Variants in TGFBR3 observed in about 807,000 individuals in gnomAD.
TGFBR3 encodes the protein transforming growth factor beta receptor 3, also known as transforming growth factor beta receptor type 3.
In TGFBR3, 46 loss-of-function variants were observed where a neutral mutation model predicts 87.9. The observed-to-expected ratio is 0.52, with a 90% CI of 0.41 to 0.67. The LOEUF is 0.67. Among genes scored for constraint, TGFBR3 ranks in the 30% least tolerant of loss-of-function variants. The probability of loss-of-function intolerance (pLI) is 0.00; values close to 1 mark genes in which losing one functional copy is unlikely to be tolerated. For missense variants in TGFBR3, 866 were observed against 1,041.9 expected (o/e 0.83, Z 2.32); for synonymous variants, 381 against 391.6 (o/e 0.97, Z 0.32).
intron 2 of TGFBR3, among the ~76,000 whole-genome samples, chr1:91,846,447 T>G (rs558362559): frequency 6.6e-6 from 1 of 152,226 alleles, no homozygotes; most frequent in East Asian, 1.9e-4. Flanking sequence ...AGTAAAGTTG[T>G]CCTTACAGAT....
rs141866290 is a variant in TGFBR3, at chr1:91,902,268, C to CTTTT, written c.-174-2575_-174-2572dup. Among the ~76,000 whole-genome samples, 239 of 125,294 alleles carry CTTTT rather than the reference C, an allele frequency of 1.9e-3. 1 individual carries two copies. Among genetic ancestry groups the CTTTT allele is most frequent in the Middle Eastern group, 4.2e-3 (1 of 236 alleles). The allele number at this position is 125,294 out of a possible 152,430, so 82.2% of individuals were successfully genotyped here. A position where few individuals can be genotyped will look rare whatever the true frequency, so the allele number is the denominator to read the frequency against. Reference sequence around the variant, plus strand: ...GAAGACGTGCAGTTTCTTTCCTTTTCTTTTGTGTGTGTGTGTGTGTGTGTG... The same window carrying CTTTT: ...GAAGACGTGCAGTTTCTTTCCTTTTCTTTTTTTTGTGTGTGTGTGTGTGTGTGTG... On this transcript the variant is annotated intron_variant, in intron 1 of 17. Coordinates refer to the TGFBR3 transcript ENST00000370399.
chr1:91,830,313 A>G (rs184642978), intron 2 of TGFBR3, among the ~76,000 whole-genome samples: 5 of 152,282 alleles, frequency 3.3e-5, no homozygotes, highest in Admixed American at 1.3e-4. Context: ...CTCGTCCCCA[A>G]GGGCAGAATA....
chr1:91,791,871 C>G (rs899282258), intron 3 of TGFBR3, among the ~76,000 whole-genome samples: 11 of 152,214 alleles, frequency 7.2e-5, no homozygotes, highest in Non-Finnish European at 1.6e-4. Flanking sequence ...GGCTGGCCCA[C>G]AGGAGACACG....
At chr1:91,840,739 G>A (rs894017409) in intron 2 of TGFBR3, among the ~76,000 whole-genome samples, 1 of 151,988 alleles carries the variant, frequency 6.6e-6, no homozygotes, top group Non-Finnish European at 1.5e-5. Context: ...TTTAACTTGT[G>A]TGAAAAACGA....
chr1:91,712,562 T>C lies in TGFBR3; in HGVS notation c.1867-20A>G, dbSNP rs115049669. Reference sequence around the variant, plus strand: ...AGATACCTATGAAAGAACAGAAAGATGAATTAGGAAATGAGTTAGCATCTC... The same window carrying C: ...AGATACCTATGAAAGAACAGAAAGACGAATTAGGAAATGAGTTAGCATCTC... On this transcript the variant is annotated intron_variant, in intron 12 of 16. Coordinates refer to ENST00000212355, the MANE Select transcript of TGFBR3 (RefSeq NM_003243.5). 7.0e-4 allele frequency: 1,128 copies of C among 1,613,402 alleles called. 6 individuals are homozygous for C. The African/African-American group carries it at 0.013, about 18-fold the overall frequency.
intron 10 of TGFBR3, among the ~76,000 whole-genome samples, chr1:91,718,226 T>C (rs1251880402): frequency 6.6e-6 from 1 of 152,182 alleles, no homozygotes; most frequent in Non-Finnish European, 1.5e-5. Context: ...TGGAGTTCAG[T>C]TTCCTCACCT....
chr1:91,863,566 T>C (rs1678276312), intron 1 of TGFBR3, among the ~76,000 whole-genome samples: 1 of 152,244 alleles, frequency 6.6e-6, no homozygotes, highest in Admixed American at 6.5e-5. Flanking sequence ...GTCCATTCTC[T>C]TTGAGCTATT....
At chr1:91,749,708 C>A (rs1673469457) in intron 4 of TGFBR3, among the ~76,000 whole-genome samples, 1 of 152,164 alleles carries the variant, frequency 6.6e-6, no homozygotes, top group Non-Finnish European at 1.5e-5. Flanking sequence ...AAAGGCATCA[C>A]TGTCTATAAT....
intron 6 of TGFBR3, 124 bp downstream of exon 6, chr1:91,729,681 T>C: frequency 8.8e-7 from 1 of 1,132,498 alleles, no homozygotes. Context: ...GCGTGAAGCA[T>C]CAATGGCTCC....
chr1:91,756,813 T>C (rs1557694887), intron 4 of TGFBR3, among the ~76,000 whole-genome samples: 1 of 152,198 alleles, frequency 6.6e-6, no homozygotes, highest in Non-Finnish European at 1.5e-5. Flanking sequence ...TTTAACTAGA[T>C]TCATCAGTTT....
At position 91,773,242 on chromosome 1, in the gene TGFBR3, ATTT is replaced by A. The variant is rs3039444; in HGVS notation, c.247-14495_247-14493del. Among the ~76,000 whole-genome samples the A allele has an allele frequency of 5.6e-3, 827 of 148,156 alleles. 4 individuals carry two copies. The highest frequency in any genetic ancestry group is 0.014 in the Middle Eastern group (4 of 288). ...AATAATAAAAATAAATAAATAAATG[ATTT>A]TTTTTTTTTTGGCTTAAGTATCTTA... On this transcript the variant is annotated intron_variant, in intron 3 of 16. Coordinates refer to ENST00000212355, the MANE Select transcript of TGFBR3 (RefSeq NM_003243.5).
At chr1:91,736,512 G>C (rs1309836663) in intron 4 of TGFBR3, among the ~76,000 whole-genome samples, 1 of 151,218 alleles carries the variant, frequency 6.6e-6, no homozygotes, top group African/African-American at 2.4e-5. Flanking sequence ...CCTGATGCCA[G>C]TTATAAACAA....
At chr1:91,902,456 T>A (rs950018134) in intron 1 of TGFBR3, among the ~76,000 whole-genome samples, 1 of 152,018 alleles carries the variant, frequency 6.6e-6, no homozygotes, top group Non-Finnish European at 1.5e-5. Flanking sequence ...TAATTTTTTT[T>A]AATTTTTGTA....
At chr1:91,893,325 G>A (rs1216191282) in intron 2 of TGFBR3, among the ~76,000 whole-genome samples, 3 of 151,262 alleles carry the variant, frequency 2.0e-5, no homozygotes, top group Non-Finnish European at 2.9e-5. Flanking sequence ...TTGCTCTGTC[G>A]CCAGGCTACA....
At chr1:91,776,033 C>T (rs1255567365) in intron 3 of TGFBR3, among the ~76,000 whole-genome samples, 1 of 152,202 alleles carries the variant, frequency 6.6e-6, no homozygotes, top group Non-Finnish European at 1.5e-5. Flanking sequence ...CTAACCTGCC[C>T]CTCTTTCTAA....
At chr1:91,770,521 G>C (rs284192) in intron 3 of TGFBR3, among the ~76,000 whole-genome samples, 70,789 of 151,954 alleles carry the variant, frequency 0.47, 17,599 homozygotes, top group African/African-American at 0.62. Context: ...TTTATAAGAG[G>C]CTTCAATATT....
At chr1:91,811,685 A>G (rs1676035507) in intron 2 of TGFBR3, among the ~76,000 whole-genome samples, 2 of 152,228 alleles carry the variant, frequency 1.3e-5, no homozygotes, top group African/African-American at 2.4e-5. Flanking sequence ...AAAATAAGAT[A>G]AAGTACTGTA....
intron 4 of TGFBR3, among the ~76,000 whole-genome samples, chr1:91,751,798 C>T (rs1462577550): frequency 6.6e-6 from 1 of 152,126 alleles, no homozygotes. Flanking sequence ...AAGCTAATAG[C>T]ATAGAGTTTA....
intron 3 of TGFBR3, among the ~76,000 whole-genome samples, chr1:91,796,385 T>C (rs1357317846): frequency 6.6e-6 from 1 of 152,202 alleles, no homozygotes; most frequent in African/African-American, 2.4e-5. Context: ...ACTGTATGAG[T>C]GCTTCGAACA....
Sources: allele counts gnomAD v4.1 joint callset (sites outside exome capture counted in the v4.1 genomes callset), GRCh38; gene constraint gnomAD v4.1.1; transcripts MANE v1.5; gene names NCBI Gene and HGNC (gene_info 2026-07-23, HGNC 2026-07-21).